XYLT1: variants seen among roughly 807,000 people sequenced by gnomAD.
XYLT1 encodes the protein beta-D-xylosyltransferase 1.
Under a neutral mutation model 91.3 loss-of-function variants are expected in XYLT1, and 36 were observed. The observed-to-expected ratio is 0.39, with a 90% CI of 0.30 to 0.52. The LOEUF (loss-of-function observed/expected upper bound fraction) is 0.52. Among genes scored for constraint, XYLT1 ranks in the 20% least tolerant of loss-of-function variants. XYLT1 has a pLI of 0.68. For synonymous variants in XYLT1, 588 were observed against 532.0 expected (o/e 1.11, Z -1.45); for missense variants, 1,242 against 1,284.5 (o/e 0.97, Z 0.51).
intron 1 of XYLT1, among the ~76,000 whole-genome samples, chr16:17,433,986 G>A (rs372966331): frequency 3.9e-5 from 6 of 152,188 alleles, no homozygotes; most frequent in African/African-American, 7.2e-5. Context: ...TCCATTTGGC[G>A]CCTTTAACGT....
At chr16:17,453,106 CT>C (rs1183167048) in intron 1 of XYLT1, among the ~76,000 whole-genome samples, 3 of 152,218 alleles carry the variant, frequency 2.0e-5, no homozygotes, top group Non-Finnish European at 2.9e-5. Context: ...AAAACTGAGG[CT>C]TCCAGATCCT....
chr16:17,369,213 T>A (rs2035495332), intron 1 of XYLT1, among the ~76,000 whole-genome samples: 1 of 145,758 alleles, frequency 6.9e-6, no homozygotes, highest in Non-Finnish European at 1.5e-5. Flanking sequence ...CACTGCAACC[T>A]CCACCTCCCG....
chr16:17,357,627 T>A (rs1427525444), intron 2 of XYLT1, among the ~76,000 whole-genome samples: 2 of 152,214 alleles, frequency 1.3e-5, no homozygotes, highest in South Asian at 4.1e-4. Context: ...ATAAAAGTCC[T>A]CCAAGTTCAG....
chr16:17,166,114 G>A (rs2031673682), intron 5 of XYLT1, among the ~76,000 whole-genome samples: 1 of 152,210 alleles, frequency 6.6e-6, no homozygotes, highest in Non-Finnish European at 1.5e-5. Context: ...TTCCCCAAAG[G>A]ACCAACCACC....
chr16:17,434,863 GTC>G (rs984691434), intron 1 of XYLT1, among the ~76,000 whole-genome samples: 6 of 147,858 alleles, frequency 4.1e-5, no homozygotes, highest in African/African-American at 1.5e-4. Context: ...GCGAGACCCT[GTC>G]TCTAAGAAAA....
At chr16:17,272,691 GC>G (rs1239551620) in intron 2 of XYLT1, among the ~76,000 whole-genome samples, 1 of 152,192 alleles carries the variant, frequency 6.6e-6, no homozygotes, top group African/African-American at 2.4e-5. Flanking sequence ...TTGTCTTGAG[GC>G]TAAGTAGCGG....
chr16:17,113,879 ACTC>A (rs1048820520), intron 11 of XYLT1, among the ~76,000 whole-genome samples: 1 of 152,178 alleles, frequency 6.6e-6, no homozygotes, highest in Non-Finnish European at 1.5e-5. Context: ...GTGAGGAAGA[ACTC>A]ATCCACCTGC....
rs192227775 is a variant in XYLT1 at position 17,425,897 on chromosome 16, C to T, written c.363+44537G>A. On this transcript the variant is annotated intron_variant, in intron 1 of 11. Transcript: ENST00000261381. ...TGTAACTTCCAGAAAGTTAATGTCCCGCCACCCTGTGCCACTTCCTACCTC... is the reference window on the plus strand; with the variant it reads ...TGTAACTTCCAGAAAGTTAATGTCCTGCCACCCTGTGCCACTTCCTACCTC... Among the ~76,000 whole-genome samples the T allele has an allele frequency of 2.5e-3, 385 of 152,258 alleles. 2 individuals are homozygous for T. The highest frequency in any genetic ancestry group is 4.2e-3 in the Non-Finnish European group (286 of 68,012).
At chr16:17,141,048 T>A in intron 7 of XYLT1, 105 bp downstream of exon 7, 3 of 1,109,290 alleles carry the variant, frequency 2.7e-6, no homozygotes, top group Non-Finnish European at 4.0e-6. Flanking sequence ...TAGAGGACAA[T>A]GTAGGTGGAC....
intron 1 of XYLT1, among the ~76,000 whole-genome samples, chr16:17,461,445 T>C (rs970188805): frequency 1.3e-5 from 2 of 152,208 alleles, no homozygotes; most frequent in African/African-American, 2.4e-5. Context: ...AGGAGGCACA[T>C]TGGTCCTGTT....
intron 2 of XYLT1, among the ~76,000 whole-genome samples, chr16:17,267,492 C>T (rs994336583): frequency 8.5e-5 from 13 of 152,224 alleles, no homozygotes; most frequent in South Asian, 2.1e-4. Flanking sequence ...TCGCAAGCTC[C>T]GCCTCCCGGG....
intron 1 of XYLT1, among the ~76,000 whole-genome samples, chr16:17,397,958 G>A (rs546042400): frequency 1.1e-4 from 16 of 151,838 alleles, no homozygotes; most frequent in African/African-American, 3.9e-4. Context: ...GAGTAGCTGG[G>A]ATTACAGGCA....
At chr16:17,380,940 T>A (rs1265001259) in intron 1 of XYLT1, among the ~76,000 whole-genome samples, 1 of 152,140 alleles carries the variant, frequency 6.6e-6, no homozygotes, top group East Asian at 1.9e-4. Flanking sequence ...TTATAGGAGG[T>A]ACTTAGCGTA....
intron 3 of XYLT1, among the ~76,000 whole-genome samples, chr16:17,233,914 C>T (rs554386553): frequency 4.6e-5 from 7 of 152,198 alleles, no homozygotes; most frequent in African/African-American, 1.2e-4. Context: ...CTTGGGGGTG[C>T]GGCAGACTTG....
intron 1 of XYLT1, among the ~76,000 whole-genome samples, chr16:17,369,982 G>A (rs2035509527): frequency 6.6e-6 from 1 of 152,194 alleles, no homozygotes; most frequent in South Asian, 2.1e-4. Flanking sequence ...GGCAGCCTCA[G>A]AGACAGGAAG....
At chr16:17,122,937 G>T (rs928966491) in intron 10 of XYLT1, among the ~76,000 whole-genome samples, 1 of 152,080 alleles carries the variant, frequency 6.6e-6, no homozygotes, top group African/African-American at 2.4e-5. Flanking sequence ...TGTTCTATAT[G>T]CCTTTTTTTA....
At chr16:17,452,305 CTTTT>C (rs35177574) in intron 1 of XYLT1, among the ~76,000 whole-genome samples, 49 of 131,678 alleles carry the variant, frequency 3.7e-4, no homozygotes, top group African/African-American at 1.3e-3. Flanking sequence ...CAGTTTTTTT[CTTTT>C]TTTTTTTTTT....
intron 2 of XYLT1, among the ~76,000 whole-genome samples, chr16:17,293,490 C>T (rs2034261390): frequency 1.7e-5 from 2 of 121,156 alleles, no homozygotes; most frequent in Non-Finnish European, 1.7e-5. Context: ...TTTTCTCCCT[C>T]CTTTTTTTTT....
chr16:17,115,980 TAAAA>T lies in XYLT1; in HGVS notation c.2557+1662_2557+1665del, dbSNP rs58219672. 4.5e-3 allele frequency among the ~76,000 whole-genome samples: 312 copies of T among 69,134 alleles called. 3 individuals carry two copies. Among genetic ancestry groups the T allele is most frequent in the African/African-American group, 0.011 (290 of 25,398 alleles). The allele number at this position is 69,134 out of a possible 152,430, so 45.4% of individuals were successfully genotyped here. On this transcript the variant is annotated intron_variant, in intron 11 of 11. Coordinates refer to ENST00000261381, the MANE Select transcript of XYLT1 (RefSeq NM_022166.4). ...GCTTTATATATACTGACTTAGAAAG[TAAAA>T]AAAAAAAAAAAAAAGCAATCTTACA... is the stretch of plus-strand genomic sequence containing the variant.
Sources: allele counts gnomAD v4.1 joint callset (sites outside exome capture counted in the v4.1 genomes callset), GRCh38; gene constraint gnomAD v4.1.1; transcripts MANE v1.5; gene names NCBI Gene and HGNC (gene_info 2026-07-23, HGNC 2026-07-21).